The following TBR1 variants were observed in gnomAD, a reference collection of about 807,000 sequenced individuals.
The protein encoded by TBR1 is T-box brain transcription factor 1.
In TBR1, 7 loss-of-function variants were observed where a neutral mutation model predicts 60.3. The ratio of observed to expected loss-of-function variants is 0.12; its 90% CI spans 0.07 to 0.22. TBR1 has a LOEUF of 0.22. TBR1 is among the 10% of genes least tolerant of loss of function. The pLI is 1.00. For synonymous variants in TBR1, 417 were observed against 409.9 expected, an observed-to-expected ratio of 1.02 and a Z score of -0.21; for missense variants, 616 against 936.8, an observed-to-expected ratio of 0.66 and a Z score of 4.47.
chr2:161,417,376 G>A lies in TBR1; in HGVS notation c.692+274G>A. 1 of 557,684 alleles carries A rather than the reference G, an allele frequency of 1.8e-6. No homozygotes were observed. Among genetic ancestry groups the A allele is most frequent in the Non-Finnish European group, 3.1e-6 (1 of 319,484 alleles). The allele number at this position is 557,684 out of a possible 1,614,324, so 34.5% of individuals were successfully genotyped here. On this transcript the variant is annotated intron_variant, in intron 1 of 5. Transcript: ENST00000389554. This position sits in a 1 kb window ranked among gnomAD's most constrained non-coding sequence, Gnocchi z 5.3. ...AGCCCTGGCCAGCGGCTGGGCGATG[G>A]GAGGGACGCATCAACACTGGCATGC...
In TBR1 at chr2:161,423,395, G is replaced by A. The variant is rs748971743; in HGVS notation, c.1217G>A (p.Arg406His). The change falls in exon 6 of 6, where the codon CGC (arginine) becomes CAC (histidine). Residue 406 changes from arginine to histidine, a missense_variant. Arg to His is a conservative substitution (Grantham distance 29, BLOSUM62 0). Transcript: ENST00000389554. ...ATCTACACCGGCTGTGACATGGACC[G>A]CCTGACCCCCTCGCCCAACGACTCG... ...DTIYTGCDMD[R>H]LTPSPNDSPR... is the part of the protein sequence containing the mutation. The A allele has an allele frequency of 2.6e-6, 4 of 1,510,378 alleles. No individual in the cohort carries two copies. Among genetic ancestry groups the A allele is most frequent in the South Asian group, 1.2e-5 (1 of 84,394 alleles). 93.6% of individuals were successfully genotyped at this position (1,510,378 alleles called of 1,614,324 possible). A position where few individuals can be genotyped will look rare whatever the true frequency, so the allele number is the denominator to read the frequency against.
In TBR1 at chr2:161,416,674, C is replaced by G. The variant is rs750500939; in HGVS notation, c.264C>G (p.Asp88Glu). Residue 88 changes from aspartate (D) to glutamate (E), a missense_variant, in exon 1 of 6, where the codon GAC (aspartate) becomes GAG (glutamate). Physicochemically the swap from Asp to Glu is conservative, Grantham distance 45. Coordinates refer to ENST00000389554, the MANE Select transcript of TBR1 (RefSeq NM_006593.4). The surrounding 1 kb of genome is among the most constrained non-coding windows in gnomAD (Gnocchi z 6.1). ...VQRSKLSPVL[D>E]GVSELRHSFD... ...GAAGTAAACTCTCTCCTGTCTTGGA[C>G]GGGGTCTCTGAGCTTCGTCACAGTT... 8 of 1,614,032 alleles carry G rather than the reference C, an allele frequency of 5.0e-6. No individual in the cohort carries two copies. The African/African-American group carries it at 1.1e-4, about 22-fold the overall frequency.
In TBR1 at chr2:161,417,846, T is replaced by C. The variant is rs1468377228; in HGVS notation, c.847+16T>C. 1 of 1,612,446 alleles carries C rather than the reference T, an allele frequency of 6.2e-7. No homozygotes were observed. The highest frequency in any genetic ancestry group is 8.5e-7 in the Non-Finnish European group (1 of 1,179,386). The stretch of plus-strand genomic sequence containing the variant: ...AATGTGCAAGGCAAGTCCTTCCAAT[T>C]AACACATTTTCTTGACACTTATTTA... On this transcript the variant is annotated intron_variant, in intron 2 of 5. Transcript: ENST00000389554. This position sits in a 1 kb window ranked among gnomAD's most constrained non-coding sequence, Gnocchi z 5.3.
rs1322402007 is a variant in TBR1 at position 161,425,141 on chromosome 2, C to T, written c.*914C>T. 2.0e-5 allele frequency: 3 copies of T among 152,212 alleles called. No individual in the cohort carries two copies. The highest frequency in any genetic ancestry group is 2.9e-5 in the Non-Finnish European group (2 of 68,058). 9.4% of individuals were successfully genotyped at this position (152,212 alleles called of 1,614,324 possible). A position where few individuals can be genotyped will look rare whatever the true frequency, so the allele number is the denominator to read the frequency against. ...AAGTCAACTGGAGTTGTATGTTCCC[C>T]CCACCTTCTAAATAGAATAGCTCGA... is the stretch of plus-strand genomic sequence containing the variant. On this transcript the variant is annotated 3_prime_UTR_variant, in exon 6 of 6. Coordinates refer to ENST00000389554, the MANE Select transcript of TBR1 (RefSeq NM_006593.4).
Position 161,417,545 on chromosome 2 carries a change from G to A in TBR1, c.693-131G>A, listed in dbSNP as rs984902972. On this transcript the variant is annotated intron_variant, in intron 1 of 5. Coordinates refer to ENST00000389554, the MANE Select transcript of TBR1 (RefSeq NM_006593.4). The surrounding 1 kb of genome is among the most constrained non-coding windows in gnomAD (Gnocchi z 5.3). ...CTCCCACCACCCTTTTTCTAATCCA[G>A]CAAATATTCGCCTATTTGCTGCAAG... 3 of 1,191,674 alleles carry A rather than the reference G, an allele frequency of 2.5e-6. No homozygotes were observed. The Admixed American group carries it at 6.9e-5, about 27-fold the overall frequency. The allele number at this position is 1,191,674 out of a possible 1,614,324, so 73.8% of individuals were successfully genotyped here.
chr2:161,420,393 GTCTTTCT>G (rs1283093438), intron 5 of TBR1, 136 bp downstream of exon 5: 12 of 354,308 alleles, frequency 3.4e-5, no homozygotes, highest in Non-Finnish European at 3.9e-5. Context: ...CTTCTTCTTC[GTCTTTCT>G]TCTTTCTTCT....
chr2:161,418,365 T>G lies in TBR1; in HGVS notation c.969+43T>G, dbSNP rs752359938. The stretch of plus-strand genomic sequence containing the variant: ...TCGTGTTTTCTCTCTCTCTCACCCC[T>G]TCCTCCCTGACATCCAGTTCGTCAG... On this transcript the variant is annotated intron_variant, in intron 3 of 5. Transcript: ENST00000389554. 3 of 1,594,884 alleles carry G rather than the reference T, an allele frequency of 1.9e-6. No homozygotes were observed. The South Asian group carries it at 3.4e-5, about 18-fold the overall frequency.
At chr2:161,423,294 T>G (rs1684260698) in intron 5 of TBR1, 75 bp from the exon 6 acceptor site, 62 of 1,082,922 alleles carry the variant, frequency 5.7e-5, no homozygotes, top group East Asian at 5.8e-5. Flanking sequence ...TGGCCTTCCC[T>G]TCTGCCCCCA....
rs1197699686 is a variant in TBR1, at chr2:161,417,595, C to T, written c.693-81C>T. ...GTACAAGTTTTGCTTTGCTAACTGG[C>T]GCCCCGCTTCTTGCATTTAATCTTT... On this transcript the variant is annotated intron_variant, in intron 1 of 5. Transcript: ENST00000389554. This position sits in a 1 kb window ranked among gnomAD's most constrained non-coding sequence, Gnocchi z 5.3. 1 of 1,514,816 alleles carries T rather than the reference C, an allele frequency of 6.6e-7. No homozygotes were observed. Among genetic ancestry groups the T allele is most frequent in the Admixed American group, 2.1e-5 (1 of 48,006 alleles). 93.8% of individuals were successfully genotyped at this position (1,514,816 alleles called of 1,614,324 possible).
Position 161,424,317 on chromosome 2 carries a change from C to G in TBR1, c.*90C>G. The stretch of plus-strand genomic sequence containing the variant: ...CCAGCTCCGCCTCCCCACACTCCTC[C>G]TTGCGCACCCACTCATTTTATTTGA... On this transcript the variant is annotated 3_prime_UTR_variant, in exon 6 of 6. Coordinates refer to ENST00000389554, the MANE Select transcript of TBR1 (RefSeq NM_006593.4). This position sits in a 1 kb window ranked among gnomAD's most constrained non-coding sequence, Gnocchi z 4.4. 5 of 1,341,352 alleles carry G rather than the reference C, an allele frequency of 3.7e-6. No homozygotes were observed. The South Asian group carries it at 7.3e-5, about 20-fold the overall frequency. 83.1% of individuals were successfully genotyped at this position (1,341,352 alleles called of 1,614,324 possible). A position where few individuals can be genotyped will look rare whatever the true frequency, so the allele number is the denominator to read the frequency against.
Position 161,424,317 on chromosome 2 carries a change from C to T in TBR1, c.*90C>T. On this transcript the variant is annotated 3_prime_UTR_variant, in exon 6 of 6. Coordinates refer to ENST00000389554, the MANE Select transcript of TBR1 (RefSeq NM_006593.4). This position sits in a 1 kb window ranked among gnomAD's most constrained non-coding sequence, Gnocchi z 4.4. The stretch of plus-strand genomic sequence containing the variant: ...CCAGCTCCGCCTCCCCACACTCCTC[C>T]TTGCGCACCCACTCATTTTATTTGA... 1.5e-6 allele frequency: 2 copies of T among 1,341,352 alleles called. No individual in the cohort carries two copies. Among genetic ancestry groups the T allele is most frequent in the Non-Finnish European group, 2.0e-6 (2 of 992,744 alleles). 83.1% of individuals were successfully genotyped at this position (1,341,352 alleles called of 1,614,324 possible).
At chr2:161,423,287 C>T (rs978942819) in intron 5 of TBR1, 82 bp from the exon 6 acceptor site, 12 of 1,056,664 alleles carry the variant, frequency 1.1e-5, no homozygotes, top group East Asian at 5.7e-5. Flanking sequence ...GTGGAGGTGG[C>T]CTTCCCTTCT....
chr2:161,423,683 C>A lies in TBR1; in HGVS notation c.1505C>A (p.Thr502Lys). 1 of 1,542,508 alleles carries A rather than the reference C, an allele frequency of 6.5e-7. No individual in the cohort carries two copies. The highest frequency in any genetic ancestry group is 1.2e-5 in the South Asian group (1 of 83,688). ...RLDFAASAYD[T>K]ATDFAGNAAT... is the part of the protein sequence containing the mutation. ...GACTTCGCGGCCTCGGCCTATGACA[C>A]GGCCACGGACTTCGCGGGCAACGCG... The change falls in exon 6 of 6, where the codon ACG becomes AAG. Residue 502 changes from threonine to lysine, a missense_variant. Thr to Lys is a moderately conservative substitution (Grantham distance 78, BLOSUM62 -1). Transcript: ENST00000389554.
Position 161,423,656 on chromosome 2 carries a change from T to C in TBR1, c.1478T>C (p.Leu493Pro). 10 of 1,544,736 alleles carry C rather than the reference T, an allele frequency of 6.5e-6. No homozygotes were observed. The highest frequency in any genetic ancestry group is 6.9e-6 in the Non-Finnish European group (8 of 1,154,528). ...RWFVTPANNR[L>P]DFAASAYDTA... ...TTTGTGACGCCGGCCAACAACCGGC[T>C]GGACTTCGCGGCCTCGGCCTATGAC... The change falls in exon 6 of 6, where the codon CTG (leucine) becomes CCG (proline). Residue 493 changes from leucine (L) to proline (P), a missense_variant. This residue lies in a region of TBR1 where 210 missense variants were observed against 297.4 expected (regional missense o/e 0.71). Transcript: ENST00000389554.
intron 4 of TBR1, chr2:161,419,457 TTCTCTC>T (rs893919582): frequency 5.7e-6 from 1 of 176,856 alleles, no homozygotes; most frequent in Non-Finnish European, 1.2e-5. Flanking sequence ...AAAAAAAAAT[TTCTCTC>T]TCTCTCTCTT....
intron 4 of TBR1, chr2:161,419,307 A>G: frequency 2.2e-6 from 1 of 454,294 alleles, no homozygotes; most frequent in Non-Finnish European, 3.9e-6. Context: ...CAGGATTTCT[A>G]AAGACTCTTC....
Position 161,424,162 on chromosome 2 carries a change from C to T in TBR1, c.1984C>T (p.Arg662Trp). 6.2e-7 allele frequency: 1 copy of T among 1,613,022 alleles called. No individual in the cohort carries two copies. Among genetic ancestry groups the T allele is most frequent in the East Asian group, 2.2e-5 (1 of 44,828 alleles). The change falls in exon 6 of 6, where the codon CGG (arginine) becomes TGG (tryptophan). Residue 662 changes from arginine (R) to tryptophan (W), a missense_variant. Arg to Trp is a moderately radical substitution (Grantham distance 101, BLOSUM62 -3). Around this residue, in one of 8 missense-constraint regions of TBR1, gnomAD observed 210 missense variants for 297.4 expected, o/e 0.71. Transcript: ENST00000389554. This position sits in a 1 kb window ranked among gnomAD's most constrained non-coding sequence, Gnocchi z 4.4. ...SPLKSEVLAQ[R>W]DCEKNCAKDI... ...GCTCAAGAGCGAGGTGCTGGCCCAG[C>T]GGGACTGCGAGAAGAACTGCGCCAA...
At chr2:161,418,533 G>C in intron 3 of TBR1, 2 of 672,168 alleles carry the variant, frequency 3.0e-6, no homozygotes, top group Non-Finnish European at 4.8e-6. Flanking sequence ...ATTTTGGAGT[G>C]CCCGACCTTC....
intron 3 of TBR1, 122 bp from the exon 4 acceptor site, chr2:161,418,770 C>T (rs562268847): frequency 7.4e-7 from 1 of 1,360,162 alleles, no homozygotes; most frequent in Non-Finnish European, 9.9e-7. Flanking sequence ...GGTCAGTTAG[C>T]CTGGAAGGCG....
Sources: allele counts gnomAD v4.1 joint callset, GRCh38; gene constraint gnomAD v4.1.1; regional missense constraint gnomAD v4.1.1; non-coding constraint Gnocchi (gnomAD v3.1); transcripts MANE v1.5; gene names NCBI Gene and HGNC (gene_info 2026-07-23, HGNC 2026-07-21).